Variants in PDE4B observed in about 807,000 individuals in gnomAD.
PDE4B encodes phosphodiesterase 4B, also known as 3',5'-cyclic-AMP phosphodiesterase 4B.
In PDE4B, 20 loss-of-function variants were observed where a neutral mutation model predicts 82.2. The ratio of observed to expected loss-of-function variants is 0.24; its 90% CI spans 0.17 to 0.35. The LOEUF is 0.35. Among genes scored for constraint, PDE4B ranks in the 10% least tolerant of loss-of-function variants. The pLI is 1.00. For synonymous variants in PDE4B, 320 were observed against 318.9 expected, an observed-to-expected ratio of 1.00 and a Z score of -0.04; for missense variants, 655 against 907.2, an observed-to-expected ratio of 0.72 and a Z score of 3.57.
chr1:66,206,002 C>A (rs1557633560), intron 3 of PDE4B, among the ~76,000 whole-genome samples: 1 of 152,122 alleles, frequency 6.6e-6, no homozygotes, highest in South Asian at 2.1e-4. Context: ...TGGAGAGGTG[C>A]GCTGAAGCAA....
rs191807862 is a variant in PDE4B at position 65,960,580 on chromosome 1, C to G, written c.281+41745C>G. ...ATTCCCTGAGCCTCAGATTCATCATCTGTGAAAGAAAGATAAGACTAATAC... is the reference window on the plus strand; with the variant it reads ...ATTCCCTGAGCCTCAGATTCATCATGTGTGAAAGAAAGATAAGACTAATAC... On this transcript the variant is annotated intron_variant, in intron 3 of 16. Transcript: ENST00000341517. Among the ~76,000 whole-genome samples, 781 of 152,080 alleles carry G rather than the reference C, an allele frequency of 5.1e-3. 3 individuals are homozygous for G. The highest frequency in any genetic ancestry group is 0.018 in the African/African-American group (738 of 41,484).
At chr1:66,280,080 C>T (rs917416572) in intron 7 of PDE4B, among the ~76,000 whole-genome samples, 2 of 152,332 alleles carry the variant, frequency 1.3e-5, no homozygotes, top group Admixed American at 6.5e-5. Context: ...TTATGCCTAG[C>T]TCTTCTACAA....
chr1:65,908,108 C>A (rs1461405063), intron 1 of PDE4B, among the ~76,000 whole-genome samples: 1 of 152,118 alleles, frequency 6.6e-6, no homozygotes, highest in Non-Finnish European at 1.5e-5. Flanking sequence ...TTTCTAGAGA[C>A]AAGTGCCTTC....
At chr1:66,044,089 G>C (rs11208787) in intron 3 of PDE4B, among the ~76,000 whole-genome samples, 3 of 151,302 alleles carry the variant, frequency 2.0e-5, no homozygotes, top group Admixed American at 6.6e-5. Flanking sequence ...TATCACTTCT[G>C]TGGGTAGGAA....
chr1:66,358,903 A>G (rs1334930118), intron 9 of PDE4B, among the ~76,000 whole-genome samples: 1 of 151,846 alleles, frequency 6.6e-6, no homozygotes, highest in Non-Finnish European at 1.5e-5. Flanking sequence ...CCTATCTTTT[A>G]AAAAAAAGTG....
intron 3 of PDE4B, among the ~76,000 whole-genome samples, chr1:66,113,204 T>G (rs1255313592): frequency 6.6e-6 from 1 of 152,240 alleles, no homozygotes; most frequent in East Asian, 1.9e-4. Flanking sequence ...CTGCTCCAGA[T>G]GTCCTGTGCT....
At chr1:66,240,531 A>G in intron 3 of PDE4B, among the ~76,000 whole-genome samples, 1 of 152,176 alleles carries the variant, frequency 6.6e-6, no homozygotes, top group South Asian at 2.1e-4. Context: ...CTGACTACCC[A>G]AACTAAAGAA....
chr1:65,862,479 A>G (rs1646465049), intron 1 of PDE4B, among the ~76,000 whole-genome samples: 1 of 152,166 alleles, frequency 6.6e-6, no homozygotes, highest in South Asian at 2.1e-4. Context: ...TTTTGCATCA[A>G]TGTTCATCAG....
At chr1:65,908,054 G>A (rs1272974314) in intron 1 of PDE4B, among the ~76,000 whole-genome samples, 1 of 152,148 alleles carries the variant, frequency 6.6e-6, no homozygotes, top group East Asian at 1.9e-4. Flanking sequence ...GGGAGAGGAG[G>A]TGTTGGAGAA....
At chr1:65,860,186 T>C (rs899620706) in intron 1 of PDE4B, among the ~76,000 whole-genome samples, 1 of 152,188 alleles carries the variant, frequency 6.6e-6, no homozygotes, top group Admixed American at 6.6e-5. Flanking sequence ...GTCATAATAC[T>C]CTCCCTCCCC....
chr1:65,849,177 A>G (rs1646301431), intron 1 of PDE4B, among the ~76,000 whole-genome samples: 1 of 152,178 alleles, frequency 6.6e-6, no homozygotes, highest in African/African-American at 2.4e-5. Context: ...ACAGGACTCC[A>G]CTGGCTATTT....
chr1:65,854,437 T>C (rs1646369119), intron 1 of PDE4B, among the ~76,000 whole-genome samples: 1 of 151,814 alleles, frequency 6.6e-6, no homozygotes, highest in African/African-American at 2.4e-5. Context: ...CCCACTGGCA[T>C]TAAATTCTCC....
chr1:66,081,832 C>CTG (rs1242686089), intron 3 of PDE4B, among the ~76,000 whole-genome samples: 5,383 of 125,100 alleles, frequency 0.043, 228 homozygotes, highest in East Asian at 0.27. Context: ...CTCTCTCTCT[C>CTG]TGTGTGTGTG....
intron 3 of PDE4B, among the ~76,000 whole-genome samples, chr1:66,119,905 C>T (rs750621793): frequency 3.9e-5 from 6 of 152,096 alleles, no homozygotes; most frequent in Non-Finnish European, 7.4e-5. Context: ...ATGAGAATGC[C>T]ATCTACAAGC....
intron 3 of PDE4B, among the ~76,000 whole-genome samples, chr1:66,117,344 A>C (rs1488121013): frequency 3.3e-5 from 5 of 152,100 alleles, no homozygotes; most frequent in Admixed American, 3.3e-4. Flanking sequence ...ATTACTTCCC[A>C]CCCTCTTCAC....
At chr1:66,055,057 T>A (rs1255169022) in intron 3 of PDE4B, among the ~76,000 whole-genome samples, 1 of 152,214 alleles carries the variant, frequency 6.6e-6, no homozygotes, top group Non-Finnish European at 1.5e-5. Context: ...ATCAGTAATA[T>A]CAAAGTCTTG....
chr1:65,986,241 G>C (rs1407219633), intron 3 of PDE4B, among the ~76,000 whole-genome samples: 2 of 152,158 alleles, frequency 1.3e-5, no homozygotes, highest in Admixed American at 6.6e-5. Flanking sequence ...TATGTCCTTG[G>C]AGAGCTCATA....
intron 1 of PDE4B, among the ~76,000 whole-genome samples, chr1:65,807,253 T>C (rs747232162): frequency 6.6e-6 from 1 of 152,198 alleles, no homozygotes; most frequent in Non-Finnish European, 1.5e-5. Context: ...TCCCTCTGCA[T>C]AGATTCACAG....
chr1:66,148,725 A>T (rs1646323947), intron 3 of PDE4B, among the ~76,000 whole-genome samples: 1 of 152,200 alleles, frequency 6.6e-6, no homozygotes. Flanking sequence ...AGATTTGCCT[A>T]TTCTGGATAT....
Sources: allele counts gnomAD v4.1 joint callset (sites outside exome capture counted in the v4.1 genomes callset), GRCh38; gene constraint gnomAD v4.1.1; transcripts MANE v1.5; gene names NCBI Gene and HGNC (gene_info 2026-07-23, HGNC 2026-07-21).